Variants in GRM5 observed in about 807,000 individuals in gnomAD.
The protein encoded by GRM5 is metabotropic glutamate receptor 5.
A neutral mutation model predicts 83.1 loss-of-function variants in GRM5; 19 were observed. The ratio of observed to expected loss-of-function variants is 0.23; its 90% CI spans 0.16 to 0.34. The LOEUF (loss-of-function observed/expected upper bound fraction) is 0.34. GRM5 is among the 10% of genes least tolerant of loss of function. The pLI is 1.00. For synonymous variants in GRM5, 675 were observed against 633.6 expected (o/e 1.07, Z -0.98); for missense variants, 1,160 against 1,588.3 (o/e 0.73, Z 4.58).
intron 3 of GRM5, among the ~76,000 whole-genome samples, chr11:88,754,558 A>T (rs1942356169): frequency 6.6e-6 from 1 of 152,192 alleles, no homozygotes; most frequent in Non-Finnish European, 1.5e-5. Flanking sequence ...ACTCAAAGGT[A>T]GGCACTTGAA....
chr11:88,983,765 G>T (rs930810155), intron 2 of GRM5, among the ~76,000 whole-genome samples: 7 of 151,944 alleles, frequency 4.6e-5, no homozygotes, highest in Admixed American at 6.6e-5. Flanking sequence ...CTATCAGGAC[G>T]TATTCCAGAA....
At chr11:88,826,934 C>G (rs1943904079) in intron 3 of GRM5, among the ~76,000 whole-genome samples, 1 of 152,138 alleles carries the variant, frequency 6.6e-6, no homozygotes, top group Non-Finnish European at 1.5e-5. Context: ...CTATAACAAT[C>G]TCTTGAGATG....
chr11:88,559,008 A>G (rs1420292573), intron 8 of GRM5, among the ~76,000 whole-genome samples: 1 of 152,016 alleles, frequency 6.6e-6, no homozygotes, highest in East Asian at 1.9e-4. Flanking sequence ...TAAAAATATT[A>G]TACCAAAAAG....
At chr11:89,023,665 G>A (rs982760099) in intron 2 of GRM5, among the ~76,000 whole-genome samples, 6 of 151,464 alleles carry the variant, frequency 4.0e-5, no homozygotes, top group African/African-American at 9.7e-5. Flanking sequence ...CCAACATAGC[G>A]AAACCCCGTC....
At chr11:88,570,310 A>G (rs1942960313) in intron 7 of GRM5, among the ~76,000 whole-genome samples, 1 of 151,940 alleles carries the variant, frequency 6.6e-6, no homozygotes, top group African/African-American at 2.4e-5. Context: ...AATTGTGGAT[A>G]GCTCAGACTA....
chr11:88,737,085 T>C (rs930020554), intron 3 of GRM5, among the ~76,000 whole-genome samples: 2 of 152,088 alleles, frequency 1.3e-5, no homozygotes. Flanking sequence ...AGAAATTGAA[T>C]CACACATACT....
chr11:88,701,483 T>C (rs1440917303), intron 3 of GRM5, among the ~76,000 whole-genome samples: 1 of 152,130 alleles, frequency 6.6e-6, no homozygotes, highest in African/African-American at 2.4e-5. Context: ...TAGCAACAGC[T>C]GAGGACTCAA....
chr11:89,049,714 A>G (rs899253778), intron 1 of GRM5, among the ~76,000 whole-genome samples: 4 of 152,214 alleles, frequency 2.6e-5, no homozygotes, highest in African/African-American at 9.6e-5. Context: ...ATTTCATCAA[A>G]TAACCAGATG....
At chr11:88,978,696 GA>G (rs996405230) in intron 2 of GRM5, among the ~76,000 whole-genome samples, 18 of 146,500 alleles carry the variant, frequency 1.2e-4, no homozygotes, top group South Asian at 2.2e-4. Context: ...ATGTTGGAGA[GA>G]AAAAAAAAAG....
intron 3 of GRM5, among the ~76,000 whole-genome samples, chr11:88,661,592 C>G (rs1227027880): frequency 6.6e-6 from 1 of 152,004 alleles, no homozygotes; most frequent in Non-Finnish European, 1.5e-5. Context: ...TTAAAAAATT[C>G]TAATAGTGGG....
intron 9 of GRM5, among the ~76,000 whole-genome samples, chr11:88,514,542 G>A (rs1487244921): frequency 6.6e-6 from 1 of 151,316 alleles, no homozygotes; most frequent in Admixed American, 6.6e-5. Flanking sequence ...ATTAATAGAG[G>A]AAAAAAAAGT....
intron 3 of GRM5, among the ~76,000 whole-genome samples, chr11:88,786,711 C>T (rs1052844248): frequency 6.6e-6 from 1 of 152,014 alleles, no homozygotes; most frequent in Non-Finnish European, 1.5e-5. Context: ...AAACATCATT[C>T]CCACAGACAC....
At chr11:88,558,108 T>G (rs1942668873) in intron 8 of GRM5, among the ~76,000 whole-genome samples, 1 of 152,164 alleles carries the variant, frequency 6.6e-6, no homozygotes. Flanking sequence ...CTCCCAGAAC[T>G]CAGCAATGTA....
intron 4 of GRM5, among the ~76,000 whole-genome samples, chr11:88,650,072 A>G (rs1939590342): frequency 6.6e-6 from 1 of 151,874 alleles, no homozygotes; most frequent in African/African-American, 2.4e-5. Flanking sequence ...TAAACTAAGG[A>G]CTCAGTTGGT....
At chr11:88,724,196 T>C (rs1941617939) in intron 3 of GRM5, among the ~76,000 whole-genome samples, 1 of 152,212 alleles carries the variant, frequency 6.6e-6, no homozygotes, top group Non-Finnish European at 1.5e-5. Flanking sequence ...ACATGAGTGT[T>C]GTTACTAATC....
chr11:88,519,568 C>G (rs1295141961), intron 9 of GRM5, among the ~76,000 whole-genome samples: 1 of 152,058 alleles, frequency 6.6e-6, no homozygotes, highest in Admixed American at 6.6e-5. Flanking sequence ...GACACAGTGT[C>G]TCATGTATCT....
At chr11:88,783,410 T>C (rs534534630) in intron 3 of GRM5, among the ~76,000 whole-genome samples, 1 of 152,224 alleles carries the variant, frequency 6.6e-6, no homozygotes, top group East Asian at 1.9e-4. Flanking sequence ...ACATACAAGA[T>C]GGCTATTTAA....
At position 89,047,602 on chromosome 11, in the gene GRM5, G is replaced by T; in HGVS notation, c.271C>A (p.Leu91Met). Residue 91 changes from leucine to methionine, a missense_variant, in exon 2 of 10, where the codon CTG (leucine) becomes ATG (methionine). Leu to Met is a conservative substitution (Grantham distance 15, BLOSUM62 2). This residue lies in a region of GRM5 where 71 missense variants were observed against 145.8 expected (regional missense o/e 0.49). Coordinates refer to ENST00000305447, the MANE Select transcript of GRM5 (RefSeq NM_001143831.3). The surrounding 1 kb of genome is among the most constrained non-coding windows in gnomAD (Gnocchi z 5.1). The part of the protein sequence containing the change: ...SDPTLLPNIT[L>M]GCEIRDSCWH... The stretch of plus-strand genomic sequence containing the variant: ...CAGGAGTCCCTTATCTCACAGCCCA[G>T]TGTGATGTTGGGCAAGAGTGTGGGG... 1 of 1,614,146 alleles carries T rather than the reference G, an allele frequency of 6.2e-7. No homozygotes were observed. Among genetic ancestry groups the T allele is most frequent in the Non-Finnish European group, 8.5e-7 (1 of 1,179,988 alleles).
At chr11:88,929,234 T>A (rs1937630518) in intron 2 of GRM5, among the ~76,000 whole-genome samples, 1 of 152,044 alleles carries the variant, frequency 6.6e-6, no homozygotes, top group African/African-American at 2.4e-5. Flanking sequence ...TAAAGAAAGT[T>A]CTTCAATTAT....
Sources: gnomAD v4.1 joint callset for allele counts (sites outside exome capture counted in the v4.1 genomes callset) on GRCh38, gnomAD v4.1.1 for gene constraint, gnomAD v4.1.1 regional missense constraint, Gnocchi (gnomAD v3.1) non-coding constraint, MANE v1.5 for transcripts, NCBI Gene and HGNC (gene_info 2026-07-23, HGNC 2026-07-21) for gene names.